Variants in STARD13 observed in about 807,000 individuals in gnomAD.
STARD13 encodes stAR-related lipid transfer protein 13.
STARD13 carries 62 observed loss-of-function variants against 106.4 expected under a neutral mutation model. The ratio of observed to expected loss-of-function variants is 0.58; its 90% CI spans 0.48 to 0.72. The LOEUF is 0.72. STARD13 is among the 30% of genes least tolerant of loss of function. The pLI, the probability that STARD13 is intolerant of heterozygous loss-of-function variation, is 0.00. For synonymous variants in STARD13, 565 were observed against 553.0 expected (o/e 1.02, Z -0.31); for missense variants, 1,387 against 1,424.0 (o/e 0.97, Z 0.42).
intron 4 of STARD13, chr13:33,138,480 T>C (rs2138212805): frequency 6.8e-6 from 1 of 146,226 alleles, no homozygotes; most frequent in East Asian, 2.1e-4. Context: ...CAGAGACAGA[T>C]GCCAACCAGA....
upstream of STARD13, among the ~76,000 whole-genome samples, chr13:33,289,076 C>T (rs977206794): frequency 2.0e-5 from 3 of 152,184 alleles, no homozygotes; most frequent in East Asian, 5.8e-4. Context: ...TGGTCCTCTT[C>T]TCCAGTGAGT....
rs146039962 is a variant in STARD13 at position 33,349,089 on chromosome 13, A to G, written c.*60T>C. 650 of 701,840 alleles carry G rather than the reference A, an allele frequency of 9.3e-4. 9 individuals are homozygous for G. The East Asian group carries it at 0.017, about 19-fold the overall frequency. 43.5% of individuals were successfully genotyped at this position (701,840 alleles called of 1,614,324 possible). A position where few individuals can be genotyped will look rare whatever the true frequency, so the allele number is the denominator to read the frequency against. On this transcript the variant is annotated 3_prime_UTR_variant, in exon 2 of 2. Coordinates refer to the STARD13 transcript ENST00000439831. ...AGTTCAAGTAAGGAAAAAAGGGAGG[A>G]GTTCAAAGAAGGTTAAATCTCCCGC...
rs1370891864 is a variant in STARD13, at chr13:33,110,902, T to G, written c.2613A>C (p.Pro871=). The G allele has an allele frequency of 6.2e-7, 1 of 1,612,650 alleles. No individual in the cohort carries two copies. Among genetic ancestry groups the G allele is most frequent in the Non-Finnish European group, 8.5e-7 (1 of 1,179,908 alleles). Residue 871 remains proline (P), a synonymous_variant, in exon 11 of 14, where the codon CCA becomes CCC. Coordinates refer to ENST00000336934, the MANE Select transcript of STARD13 (RefSeq NM_178006.4). The part of the protein sequence containing the change: ...IMECDRLFEV[P]HELVAQSRNS... ...TACGAGACTGGGCCACCAACTCGTG[T>G]GGAACCTAGACCAACGGATGCATGA... is the stretch of plus-strand genomic sequence containing the variant.
chr13:33,383,586 A>G, the STARD13 span: 1 of 120,724 alleles, frequency 8.3e-6, no homozygotes, highest in African/African-American at 3.5e-5. Context: ...TCTACTAAAA[A>G]TACAAAAAAA....
chr13:33,127,314 G>A, intron 6 of STARD13, 59 bp downstream of exon 6: 7 of 1,478,316 alleles, frequency 4.7e-6, no homozygotes, highest in Admixed American at 2.5e-5. Flanking sequence ...GGAAGCTTCT[G>A]CAATCACACA....
chr13:33,519,277 C>CTTTCTTTTT, the STARD13 span, among the ~76,000 whole-genome samples: 1 of 121,142 alleles, frequency 8.3e-6, no homozygotes, highest in African/African-American at 3.2e-5. Context: ...TCTTTCTTTT[C>CTTTCTTTTT]TTTCTCTTTC....
At chr13:33,282,002 A>G (rs1370806553) in intron 1 of STARD13, among the ~76,000 whole-genome samples, 1 of 152,148 alleles carries the variant, frequency 6.6e-6, no homozygotes, top group Non-Finnish European at 1.5e-5. Context: ...TGTGTATTTT[A>G]CCACAATAAA....
the STARD13 span, among the ~76,000 whole-genome samples, chr13:33,360,293 C>T: frequency 6.6e-6 from 1 of 152,050 alleles, no homozygotes; most frequent in Non-Finnish European, 1.5e-5. Flanking sequence ...CAAACCCCGC[C>T]TCCCAGGTTC....
chr13:33,162,293 C>T (rs552709790), intron 3 of STARD13, among the ~76,000 whole-genome samples: 117 of 152,324 alleles, frequency 7.7e-4, no homozygotes, highest in Admixed American at 3.6e-3. Context: ...GCCCATGAAA[C>T]CAGTTTTTCC....
At chr13:33,156,931 C>T (rs1286672258) in intron 3 of STARD13, among the ~76,000 whole-genome samples, 1 of 152,034 alleles carries the variant, frequency 6.6e-6, no homozygotes, top group African/African-American at 2.4e-5. Context: ...CAATGACTTG[C>T]CCAAGAAATC....
chr13:33,334,267 T>A (rs2077869620), intron 1 of STARD13, among the ~76,000 whole-genome samples: 1 of 152,268 alleles, frequency 6.6e-6, no homozygotes, highest in South Asian at 2.1e-4. Context: ...GTGAAAGACT[T>A]TTTTATTGCA....
At chr13:33,378,804 AAAAAAAAG>A in the STARD13 span, among the ~76,000 whole-genome samples, 1 of 151,348 alleles carries the variant, frequency 6.6e-6, no homozygotes, top group Non-Finnish European at 1.5e-5. Context: ...AAACAAAAAA[AAAAAAAAG>A]AAAAAAAGAA....
intron 1 of STARD13, among the ~76,000 whole-genome samples, chr13:33,238,365 A>G (rs1268181982): frequency 6.6e-6 from 1 of 152,194 alleles, no homozygotes; most frequent in Non-Finnish European, 1.5e-5. Flanking sequence ...GCTGCCCAAG[A>G]GATTGGAATA....
the STARD13 span, among the ~76,000 whole-genome samples, chr13:33,417,651 A>T: frequency 1.3e-5 from 2 of 152,206 alleles, no homozygotes; most frequent in African/African-American, 4.8e-5. Flanking sequence ...TTATGCTGAG[A>T]GAGTAGCCAG....
intron 1 of STARD13, among the ~76,000 whole-genome samples, chr13:33,246,145 G>A (rs1889813308): frequency 6.6e-6 from 1 of 152,180 alleles, no homozygotes; most frequent in Admixed American, 6.5e-5. Context: ...ACTGCACTGT[G>A]TTCATAGACA....
the STARD13 span, among the ~76,000 whole-genome samples, chr13:33,655,072 A>G: frequency 1.8e-4 from 28 of 152,256 alleles, no homozygotes; most frequent in African/African-American, 6.0e-4. Context: ...TGAATGCTTT[A>G]GAAATACAAG....
chr13:33,164,156 A>G (rs1289768207), intron 3 of STARD13: 1 of 152,190 alleles, frequency 6.6e-6, no homozygotes, highest in African/African-American at 2.4e-5. Flanking sequence ...CCACCCATGT[A>G]AGCAAGCCCA....
At chr13:33,661,160 G>A in the STARD13 span, 2 of 152,304 alleles carry the variant, frequency 1.3e-5, no homozygotes, top group Middle Eastern at 3.4e-3. Context: ...ATCTCATAGT[G>A]TTATCAACAA....
the STARD13 span, among the ~76,000 whole-genome samples, chr13:33,528,261 T>TATATATATATATATATATATATATATAC: frequency 1.0e-3 from 130 of 128,224 alleles, 1 homozygote; most frequent in African/African-American, 4.3e-3. Context: ...TATATACATA[T>TATATATATATATATATATATATATATAC]ATATATATAT....
Sources: allele counts gnomAD v4.1 joint callset (sites outside exome capture counted in the v4.1 genomes callset), GRCh38; gene constraint gnomAD v4.1.1; transcripts MANE v1.5; gene names NCBI Gene and HGNC (gene_info 2026-07-23, HGNC 2026-07-21).